Variants in CDH7 observed in about 807,000 individuals in gnomAD.
CDH7 encodes the protein cadherin-7.
In CDH7, 25 loss-of-function variants were observed where a neutral mutation model predicts 71.8. That is an observed-to-expected ratio of 0.35 (90% confidence interval 0.25 to 0.49). The LOEUF is 0.49. CDH7 is among the 20% of genes least tolerant of loss of function. The pLI, the probability that CDH7 is intolerant of heterozygous loss-of-function variation, is 0.99. For synonymous variants in CDH7, 381 were observed against 363.8 expected (o/e 1.05, Z -0.54); for missense variants, 862 against 974.6 (o/e 0.88, Z 1.54).
intron 11 of CDH7, among the ~76,000 whole-genome samples, chr18:65,868,990 A>C (rs186459871): frequency 6.8e-4 from 103 of 152,262 alleles, no homozygotes; most frequent in African/African-American, 2.4e-3. Context: ...TGGAGAGTTG[A>C]AACTAGAAAT....
At chr18:65,878,369 A>C (rs537221381) in intron 11 of CDH7, among the ~76,000 whole-genome samples, 1 of 152,166 alleles carries the variant, frequency 6.6e-6, no homozygotes, top group Non-Finnish European at 1.5e-5. Context: ...TTATTATCAT[A>C]TATTGCTAAT....
Position 65,809,711 on chromosome 18 carries a change from C to T in CDH7, c.218C>T (p.Ser73Phe). 2.5e-6 allele frequency: 4 copies of T among 1,612,426 alleles called. No individual in the cohort carries two copies. Among genetic ancestry groups the T allele is most frequent in the Non-Finnish European group, 3.4e-6 (4 of 1,178,684 alleles). ...SDPLYVGKLH[S>F]DVDKGDGSIK... ...ACATGAATTTTTCACCAGCTTCACT[C>T]TGATGTTGATAAAGGAGATGGTTCC... Residue 73 changes from serine to phenylalanine, a missense_variant, in exon 3 of 12, where the codon TCT becomes TTT. Ser to Phe is a radical substitution (Grantham distance 155). Coordinates refer to ENST00000397968, the MANE Select transcript of CDH7 (RefSeq NM_004361.5).
At chr18:65,829,351 C>T (rs1334653876) in intron 6 of CDH7, among the ~76,000 whole-genome samples, 1 of 151,894 alleles carries the variant, frequency 6.6e-6, no homozygotes, top group Non-Finnish European at 1.5e-5. Context: ...ATCTCCTGAA[C>T]TTGTGATCCG....
intron 3 of CDH7, among the ~76,000 whole-genome samples, chr18:65,814,055 A>T (rs1292045161): frequency 1.3e-5 from 2 of 152,152 alleles, no homozygotes; most frequent in African/African-American, 4.8e-5. Context: ...TAACTATGAC[A>T]GTTGTATACC....
At chr18:65,874,482 A>G (rs927356576) in intron 11 of CDH7, among the ~76,000 whole-genome samples, 4 of 152,106 alleles carry the variant, frequency 2.6e-5, no homozygotes, top group Admixed American at 6.5e-5. Context: ...ACACATGGAT[A>G]TAGCATGGTG....
At chr18:65,788,980 T>C (rs1221898055) in intron 2 of CDH7, among the ~76,000 whole-genome samples, 2 of 152,216 alleles carry the variant, frequency 1.3e-5, no homozygotes, top group African/African-American at 4.8e-5. Context: ...CATGAATATT[T>C]TTAAGGATAT....
Position 65,791,136 on chromosome 18 carries a change from T to A in CDH7, c.211-18568T>A, listed in dbSNP as rs550013131. On this transcript the variant is annotated intron_variant, in intron 2 of 11. Coordinates refer to ENST00000397968, the MANE Select transcript of CDH7 (RefSeq NM_004361.5). Reference sequence around the variant, plus strand: ...TATTTGAAGAATGATTTAATCTGAATATTAGAAATGACACCTTTGTCTTTT... The same window carrying A: ...TATTTGAAGAATGATTTAATCTGAAAATTAGAAATGACACCTTTGTCTTTT... Among the ~76,000 whole-genome samples, 5 of 152,364 alleles carry A rather than the reference T, an allele frequency of 3.3e-5. No homozygotes were observed. In the South Asian group the frequency reaches 1.0e-3, roughly 32 times the overall value.
intron 2 of CDH7, among the ~76,000 whole-genome samples, chr18:65,797,024 G>A (rs17075214): frequency 0.052 from 7,870 of 152,142 alleles, 684 homozygotes; most frequent in African/African-American, 0.18. Context: ...TCCTCAAGCA[G>A]TGGTGTTACT....
chr18:65,772,440 G>A (rs1170120885), intron 2 of CDH7, among the ~76,000 whole-genome samples: 2 of 152,178 alleles, frequency 1.3e-5, no homozygotes, highest in Non-Finnish European at 2.9e-5. Flanking sequence ...AATCGTAAGA[G>A]CTGAATTTAG....
At chr18:65,864,176 T>C (rs2144041716) in intron 11 of CDH7, 1 of 152,324 alleles carries the variant, frequency 6.6e-6, no homozygotes, top group Admixed American at 6.5e-5. Context: ...AGTAATTACC[T>C]GCTAAATCTA....
chr18:65,870,138 A>C (rs1040808612), intron 11 of CDH7, among the ~76,000 whole-genome samples: 1 of 152,222 alleles, frequency 6.6e-6, no homozygotes, highest in African/African-American at 2.4e-5. Context: ...GAGATGTCAG[A>C]GATATTTTAT....
chr18:65,847,708 G>C (rs1181692963), intron 7 of CDH7, among the ~76,000 whole-genome samples: 1 of 152,058 alleles, frequency 6.6e-6, no homozygotes, highest in Non-Finnish European at 1.5e-5. Context: ...ACGTTTACAA[G>C]TGTAGTCATC....
At chr18:65,837,257 C>G (rs1417171406) in intron 6 of CDH7, among the ~76,000 whole-genome samples, 2 of 152,068 alleles carry the variant, frequency 1.3e-5, no homozygotes, top group Non-Finnish European at 2.9e-5. Flanking sequence ...AAGGCTGTTG[C>G]AATAGGAGAG....
chr18:65,878,358 A>G (rs1048046658), intron 11 of CDH7, among the ~76,000 whole-genome samples: 7 of 152,200 alleles, frequency 4.6e-5, no homozygotes, highest in African/African-American at 1.4e-4. Flanking sequence ...GATGTTGACT[A>G]TTATTATCAT....
At chr18:65,849,405 TTTTCTTTTCTTTTCTTTTC>T (rs1339461402) in intron 7 of CDH7, among the ~76,000 whole-genome samples, 64 of 123,978 alleles carry the variant, frequency 5.2e-4, no homozygotes, top group Non-Finnish European at 7.9e-4. Context: ...TTTTCTTTTC[TTTTCTTTTCTTTTCTTTTC>T]TTTCTTTTCT....
At chr18:65,832,674 G>A (rs1457552054) in intron 6 of CDH7, among the ~76,000 whole-genome samples, 1 of 151,968 alleles carries the variant, frequency 6.6e-6, no homozygotes, top group Non-Finnish European at 1.5e-5. Context: ...AGTTAAATAG[G>A]ATTTCAAAAT....
At chr18:65,876,557 T>A (rs985854399) in intron 11 of CDH7, among the ~76,000 whole-genome samples, 1 of 152,134 alleles carries the variant, frequency 6.6e-6, no homozygotes, top group African/African-American at 2.4e-5. Flanking sequence ...CTGTACCAAG[T>A]ATGTTCTTCC....
intron 2 of CDH7, among the ~76,000 whole-genome samples, chr18:65,799,228 C>T (rs891277092): frequency 6.6e-6 from 1 of 152,038 alleles, no homozygotes; most frequent in African/African-American, 2.4e-5. Context: ...GTTACACCTA[C>T]GAGGATTGTG....
chr18:65,823,479 T>C (rs1912013369), intron 5 of CDH7, among the ~76,000 whole-genome samples: 1 of 151,890 alleles, frequency 6.6e-6, no homozygotes, highest in Non-Finnish European at 1.5e-5. Flanking sequence ...CCTTCAAACT[T>C]ATTAAAGTGA....
Sources: gnomAD v4.1 joint callset for allele counts (sites outside exome capture counted in the v4.1 genomes callset) on GRCh38, gnomAD v4.1.1 for gene constraint, MANE v1.5 for transcripts, NCBI Gene and HGNC (gene_info 2026-07-23, HGNC 2026-07-21) for gene names.